NCKAP5: variants seen among roughly 807,000 people sequenced by gnomAD.
NCKAP5 encodes the protein nck-associated protein 5.
NCKAP5 carries 92 observed loss-of-function variants against 167.0 expected under a neutral mutation model. The observed-to-expected ratio is 0.55, with a 90% CI of 0.47 to 0.66. The LOEUF (loss-of-function observed/expected upper bound fraction) is 0.66. NCKAP5 is among the 30% of genes least tolerant of loss of function. The pLI, the probability that NCKAP5 is intolerant of heterozygous loss-of-function variation, is 0.00. For missense variants in NCKAP5, 2,378 were observed against 2,315.0 expected (o/e 1.03, Z -0.56); for synonymous variants, 891 against 877.4 (o/e 1.02, Z -0.27).
intron 10 of NCKAP5, among the ~76,000 whole-genome samples, chr2:132,862,219 G>A (rs969867234): frequency 2.6e-5 from 4 of 152,132 alleles, no homozygotes; most frequent in East Asian, 1.9e-4. Flanking sequence ...GTTAGATCTC[G>A]CTAGTAAAGC....
intron 6 of NCKAP5, among the ~76,000 whole-genome samples, chr2:133,012,491 G>T (rs2078195233): frequency 6.6e-6 from 1 of 152,112 alleles, no homozygotes; most frequent in Non-Finnish European, 1.5e-5. Flanking sequence ...CTCATGATCT[G>T]CCCGCCTCGG....
chr2:133,296,908 T>C (rs1335123294), intron 4 of NCKAP5, among the ~76,000 whole-genome samples: 1 of 152,224 alleles, frequency 6.6e-6, no homozygotes, highest in Non-Finnish European at 1.5e-5. Context: ...ATTCAATTTG[T>C]ATATTCCACC....
At chr2:133,041,287 T>C (rs1390242370) in intron 6 of NCKAP5, among the ~76,000 whole-genome samples, 1 of 152,086 alleles carries the variant, frequency 6.6e-6, no homozygotes, top group African/African-American at 2.4e-5. Flanking sequence ...ATACTTGACC[T>C]GGAAGTGAAA....
At chr2:132,986,859 G>A (rs2077304288) in intron 7 of NCKAP5, among the ~76,000 whole-genome samples, 1 of 152,048 alleles carries the variant, frequency 6.6e-6, no homozygotes, top group Non-Finnish European at 1.5e-5. Context: ...ATGACCCTAG[G>A]GTGTAAGAGG....
chr2:132,829,612 G>A (rs1687377379), intron 11 of NCKAP5, among the ~76,000 whole-genome samples: 1 of 152,086 alleles, frequency 6.6e-6, no homozygotes, highest in Admixed American at 6.6e-5. Flanking sequence ...AGAAATAAAT[G>A]CTTCCCGACC....
chr2:132,895,159 G>A (rs111907561), intron 8 of NCKAP5, among the ~76,000 whole-genome samples: 11,339 of 151,564 alleles, frequency 0.075, 585 homozygotes, highest in East Asian at 0.22. Flanking sequence ...GTGAAACCCC[G>A]TCTCTACTAA....
At chr2:133,022,103 G>A (rs2078549231) in intron 6 of NCKAP5, among the ~76,000 whole-genome samples, 1 of 152,152 alleles carries the variant, frequency 6.6e-6, no homozygotes, top group Non-Finnish European at 1.5e-5. Flanking sequence ...GTTACATGAG[G>A]AAAGAGTGTG....
intron 8 of NCKAP5, 117 bp downstream of exon 8, chr2:132,963,603 T>C (rs1392035417): frequency 9.4e-7 from 1 of 1,067,112 alleles, no homozygotes. Flanking sequence ...TCGTAGATCA[T>C]ATTAGTCTGG....
intron 19 of NCKAP5, among the ~76,000 whole-genome samples, chr2:132,709,846 A>G (rs1341737190): frequency 6.6e-6 from 1 of 152,168 alleles, no homozygotes; most frequent in Admixed American, 6.5e-5. Context: ...TTATGAGATC[A>G]GTATTATTTT....
intron 4 of NCKAP5, among the ~76,000 whole-genome samples, chr2:133,238,764 T>A (rs925998385): frequency 2.0e-5 from 3 of 152,174 alleles, no homozygotes; most frequent in Admixed American, 6.5e-5. Flanking sequence ...CACAGGTAGG[T>A]TTGAAAAAAC....
the NCKAP5 span, among the ~76,000 whole-genome samples, chr2:133,593,543 AT>A: frequency 2.6e-5 from 4 of 152,104 alleles, no homozygotes; most frequent in African/African-American, 9.7e-5. Context: ...AGTCTGTATT[AT>A]TTTTTATTCT....
chr2:132,794,251 TATATATATATATAGAGAGAG>T (rs1294725708), intron 12 of NCKAP5, among the ~76,000 whole-genome samples: 26 of 58,844 alleles, frequency 4.4e-4, no homozygotes, highest in African/African-American at 1.2e-3. Flanking sequence ...TATATATATA[TATATATATATATAGAGAGAG>T]AGAGAGAGAG....
rs370330917 is a variant in NCKAP5, at chr2:133,207,089, GC to G, written c.207+6626del. 3.3e-5 allele frequency among the ~76,000 whole-genome samples: 5 copies of G among 152,070 alleles called. No individual in the cohort carries two copies. In the East Asian group the frequency reaches 9.7e-4, roughly 30 times the overall value. ...TTGCCTTCTCCTTGTGATCTTTATT[GC>G]CCTTTGAAGCATGTGATCCTTGTGA... On this transcript the variant is annotated intron_variant, in intron 5 of 19. Transcript: ENST00000409261.
chr2:133,181,377 T>C (rs2084725639), intron 5 of NCKAP5, among the ~76,000 whole-genome samples: 1 of 151,586 alleles, frequency 6.6e-6, no homozygotes, highest in Admixed American at 6.6e-5. Context: ...CTAAAACATG[T>C]TTACATGCAA....
the NCKAP5 span, among the ~76,000 whole-genome samples, chr2:133,604,124 G>A: frequency 6.6e-6 from 1 of 152,204 alleles, no homozygotes; most frequent in African/African-American, 2.4e-5. Context: ...AAATGTCCAA[G>A]TTGGGAGAGA....
the NCKAP5 span, among the ~76,000 whole-genome samples, chr2:133,602,431 G>A: frequency 2.0e-5 from 3 of 152,316 alleles, no homozygotes; most frequent in South Asian, 6.2e-4. Context: ...TGCAGATGGT[G>A]AGAGGCTGAA....
chr2:133,158,326 T>C (rs999581281), intron 5 of NCKAP5, among the ~76,000 whole-genome samples: 2 of 152,226 alleles, frequency 1.3e-5, no homozygotes, highest in African/African-American at 2.4e-5. Context: ...TAATTTTTTC[T>C]GGAGTGTTAG....
Position 132,783,226 on chromosome 2 carries a change from A to T in NCKAP5, c.3585T>A (p.Asn1195Lys). ...CCGCTGTGATCTCCATGCTTGCTGGATTCTTGGAGTCCTCTGGCTTAGACT... is the reference window on the plus strand; with the variant it reads ...CCGCTGTGATCTCCATGCTTGCTGGTTTCTTGGAGTCCTCTGGCTTAGACT... ...VNKSKPEDSKNPASMEITAGE... is the reference protein window; with the variant it reads ...VNKSKPEDSKKPASMEITAGE... The change falls in exon 14 of 20, where the codon AAT (asparagine) becomes AAA (lysine). Residue 1195 changes from asparagine (N) to lysine (K), a missense_variant. Physicochemically the swap from Asn to Lys is moderately conservative, Grantham distance 94. This residue lies in a region of NCKAP5 where 1,325 missense variants were observed against 1,274.5 expected (regional missense o/e 1.04). Coordinates refer to ENST00000409261, the MANE Select transcript of NCKAP5 (RefSeq NM_207363.3). The T allele has an allele frequency of 6.2e-7, 1 of 1,613,794 alleles. No individual in the cohort carries two copies. Among genetic ancestry groups the T allele is most frequent in the South Asian group, 1.1e-5 (1 of 91,060 alleles).
At chr2:133,339,743 T>A (rs1279711511) in intron 3 of NCKAP5, among the ~76,000 whole-genome samples, 1 of 152,232 alleles carries the variant, frequency 6.6e-6, no homozygotes, top group Non-Finnish European at 1.5e-5. Context: ...ATGCTATGCA[T>A]GTTAACTTTG....
Sources: allele counts gnomAD v4.1 joint callset (sites outside exome capture counted in the v4.1 genomes callset), GRCh38; gene constraint gnomAD v4.1.1; regional missense constraint gnomAD v4.1.1; transcripts MANE v1.5; gene names NCBI Gene and HGNC (gene_info 2026-07-23, HGNC 2026-07-21).